CEP104: variants seen among roughly 807,000 people sequenced by gnomAD.
CEP104 encodes the protein centrosomal protein of 104 kDa.
A neutral mutation model predicts 113.3 loss-of-function variants in CEP104; 84 were observed. That is an observed-to-expected ratio of 0.74 (90% confidence interval 0.62 to 0.89). CEP104 has a LOEUF of 0.89. Ranked by LOEUF, CEP104 falls within the 40% of genes least tolerant of loss-of-function variation. The pLI is 0.00. For synonymous variants in CEP104, 378 were observed against 421.7 expected, an observed-to-expected ratio of 0.90 and a Z score of 1.27; for missense variants, 1,053 against 1,156.6, an observed-to-expected ratio of 0.91 and a Z score of 1.30.
intron 9 of CEP104, chr1:3,837,089 A>G (rs1644328379): frequency 7.1e-6 from 4 of 566,212 alleles, no homozygotes; most frequent in Non-Finnish European, 1.2e-5. Flanking sequence ...TGATTTTAAT[A>G]AACATGCTCA....
Position 3,833,907 on chromosome 1 carries a change from T to G in CEP104, c.1614A>C (p.Gly538=). ...TGACGCGGAGGCGGGCAGAAGAATC[T>G]CCAGTTCTGGTGAGCAAAACGGGAA... is the stretch of plus-strand genomic sequence containing the variant. ...RTIPVLLTRT[G]DSSARLRVTA... The change falls in exon 12 of 22, where the codon GGA becomes GGC. Residue 538 remains glycine, a synonymous_variant. Coordinates refer to ENST00000378230, the MANE Select transcript of CEP104 (RefSeq NM_014704.4). 6.2e-7 allele frequency: 1 copy of G among 1,614,230 alleles called. No individual in the cohort carries two copies.
Position 3,848,826 on chromosome 1 carries a change from A to G in CEP104, c.114-45T>C, listed in dbSNP as rs751933054. 11 of 1,525,410 alleles carry G rather than the reference A, an allele frequency of 7.2e-6. No homozygotes were observed. The East Asian group carries it at 2.3e-4, about 31-fold the overall frequency. 94.5% of individuals were successfully genotyped at this position (1,525,410 alleles called of 1,614,324 possible). A position where few individuals can be genotyped will look rare whatever the true frequency, so the allele number is the denominator to read the frequency against. On this transcript the variant is annotated intron_variant, in intron 2 of 21. Transcript: ENST00000378230. ...TATATTTTCTGAACAACTTCTGCAG[A>G]GGGTTTCTAGATGCTAGCATCTCAT...
intron 20 of CEP104, 157 bp from the exon 21 acceptor site, chr1:3,816,527 G>A (rs989891664): frequency 8.3e-6 from 5 of 601,578 alleles, no homozygotes; most frequent in Admixed American, 5.8e-5. Context: ...ACCTCCCTTC[G>A]GATATGTTAT....
intron 21 of CEP104, among the ~76,000 whole-genome samples, chr1:3,815,784 G>GTTCAAGCAATTCTCCTGC (rs1416617300): frequency 2.0e-5 from 3 of 152,060 alleles, no homozygotes; most frequent in African/African-American, 4.8e-5. Context: ...CACCTCCCGG[G>GTTCAAGCAATTCTCCTGC]TTCAAGCAAT....
chr1:3,831,254 A>G, intron 12 of CEP104, 32 bp from the exon 13 acceptor site: 1 of 1,596,006 alleles, frequency 6.3e-7, no homozygotes, highest in Non-Finnish European at 8.6e-7. Context: ...GTTAATTTTT[A>G]CTGGAAAATG....
intron 6 of CEP104, among the ~76,000 whole-genome samples, chr1:3,840,707 T>G (rs1385438243): frequency 6.6e-6 from 1 of 152,028 alleles, no homozygotes; most frequent in African/African-American, 2.4e-5. Flanking sequence ...CCTGGCTAAT[T>G]TTTTGTATTT....
intron 15 of CEP104, among the ~76,000 whole-genome samples, chr1:3,828,445 A>G (rs1295000864): frequency 6.6e-6 from 1 of 152,198 alleles, no homozygotes; most frequent in Non-Finnish European, 1.5e-5. Flanking sequence ...TTTTTGCCAT[A>G]GGAAGTTCAG....
intron 1 of CEP104, among the ~76,000 whole-genome samples, chr1:3,856,150 T>G (rs1483886899): frequency 6.6e-6 from 1 of 152,278 alleles, no homozygotes; most frequent in Non-Finnish European, 1.5e-5. Flanking sequence ...GGCTCATGCC[T>G]GTAATCCCAG....
chr1:3,828,063 C>T (rs954164561), intron 15 of CEP104, among the ~76,000 whole-genome samples: 7 of 152,052 alleles, frequency 4.6e-5, no homozygotes, highest in African/African-American at 1.7e-4. Flanking sequence ...GCATAGGAGA[C>T]CCCAGGATGG....
Position 3,826,491 on chromosome 1 carries a change from T to C in CEP104, c.2189-55A>G, listed in dbSNP as rs539709535. 23 of 1,523,822 alleles carry C rather than the reference T, an allele frequency of 1.5e-5. No individual in the cohort carries two copies. The East Asian group carries it at 4.3e-4, about 29-fold the overall frequency. The allele number at this position is 1,523,822 out of a possible 1,614,324, so 94.4% of individuals were successfully genotyped here. A position where few individuals can be genotyped will look rare whatever the true frequency, so the allele number is the denominator to read the frequency against. On this transcript the variant is annotated intron_variant, in intron 16 of 21. Coordinates refer to ENST00000378230, the MANE Select transcript of CEP104 (RefSeq NM_014704.4). ...TTTTATAGAAATTATTTTCAAAATT[T>C]TAGTAAGCAGTTTGATGTGAGCTCT...
At chr1:3,835,768 T>C (rs1466094465) in intron 10 of CEP104, among the ~76,000 whole-genome samples, 1 of 152,248 alleles carries the variant, frequency 6.6e-6, no homozygotes, top group Non-Finnish European at 1.5e-5. Flanking sequence ...AGTTGTTTAA[T>C]ACAAGCTCCA....
At chr1:3,835,199 A>T (rs1644287794) in intron 10 of CEP104, 107 bp from the exon 11 acceptor site, 2 of 773,488 alleles carry the variant, frequency 2.6e-6, no homozygotes, top group Non-Finnish European at 3.7e-6. Context: ...ATTTCTAAGA[A>T]CAGAACTTTT....
rs1557654983 is a variant in CEP104 at position 3,816,253 on chromosome 1, C to T, written c.2662+27G>A. 3.9e-6 allele frequency: 6 copies of T among 1,540,674 alleles called. 1 individual carries two copies. The Middle Eastern group carries it at 5.1e-4, about 132-fold the overall frequency. On this transcript the variant is annotated intron_variant, in intron 21 of 21. Coordinates refer to ENST00000378230, the MANE Select transcript of CEP104 (RefSeq NM_014704.4). ...AGTCAAAATGGAGGGATGCAGACTA[C>T]ACCTGCTCAGCGGCGCTGTCCCTCA...
At chr1:3,827,501 T>A (rs773839595) in intron 15 of CEP104, among the ~76,000 whole-genome samples, 5 of 152,166 alleles carry the variant, frequency 3.3e-5, no homozygotes, top group Non-Finnish European at 7.4e-5. Flanking sequence ...ATTACAGGCA[T>A]GAGTCACTGC....
Position 3,812,454 on chromosome 1 carries a change from A to T in CEP104, c.*2948T>A, listed in dbSNP as rs965105924. On this transcript the variant is annotated 3_prime_UTR_variant, in exon 22 of 22. Transcript: ENST00000378230. The stretch of plus-strand genomic sequence containing the variant: ...CAAGGGATTTTACAGTTCCTTTTTA[A>T]TTTTTTGTACTTGATTCTTGGTCCC... 1.3e-5 allele frequency: 2 copies of T among 152,140 alleles called. No homozygotes were observed. The highest frequency in any genetic ancestry group is 4.8e-5 in the African/African-American group (2 of 41,442). The allele number at this position is 152,140 out of a possible 1,614,324, so 9.4% of individuals were successfully genotyped here. A position where few individuals can be genotyped will look rare whatever the true frequency, so the allele number is the denominator to read the frequency against.
intron 2 of CEP104, among the ~76,000 whole-genome samples, chr1:3,851,555 G>A (rs935692470): frequency 1.3e-5 from 2 of 152,182 alleles, no homozygotes; most frequent in African/African-American, 4.8e-5. Flanking sequence ...GAGGGCAGAT[G>A]CCAAGTGAGT....
chr1:3,828,164 G>A (rs1160332506), intron 15 of CEP104, among the ~76,000 whole-genome samples: 2 of 152,200 alleles, frequency 1.3e-5, no homozygotes, highest in African/African-American at 2.4e-5. Context: ...GGAGGCAGGC[G>A]CCTGGCAATG....
chr1:3,845,520 C>G (rs1236799303), intron 4 of CEP104, among the ~76,000 whole-genome samples, 169 bp from the exon 5 acceptor site: 1 of 152,124 alleles, frequency 6.6e-6, no homozygotes, highest in Non-Finnish European at 1.5e-5. Context: ...GATCCTTCAC[C>G]TTAGCTGCCC....
intron 4 of CEP104, among the ~76,000 whole-genome samples, chr1:3,846,885 A>G (rs963001025): frequency 3.3e-5 from 5 of 152,240 alleles, no homozygotes; most frequent in African/African-American, 1.2e-4. Flanking sequence ...AAAGAAAAAA[A>G]GAAGGAAAGA....
Sources: allele counts gnomAD v4.1 joint callset (sites outside exome capture counted in the v4.1 genomes callset), GRCh38; gene constraint gnomAD v4.1.1; transcripts MANE v1.5; gene names NCBI Gene and HGNC (gene_info 2026-07-23, HGNC 2026-07-21).